OVCH2: variants seen among roughly 807,000 people sequenced by gnomAD.
The protein encoded by OVCH2 is ovochymase 2, also known as ovochymase-2.
OVCH2 carries 88 observed loss-of-function variants against 73.7 expected under a neutral mutation model. That is an observed-to-expected ratio of 1.19 (90% CI 1.01 to 1.43). The LOEUF is 1.43. Among genes scored for constraint, OVCH2 ranks in the 40% most tolerant of loss-of-function variants. The pLI is 0.00. For missense variants in OVCH2, 706 were observed against 674.5 expected, an observed-to-expected ratio of 1.05 and a Z score of -0.52; for synonymous variants, 265 against 234.5, an observed-to-expected ratio of 1.13 and a Z score of -1.19.
downstream of OVCH2, among the ~76,000 whole-genome samples, chr11:7,687,585 C>T (rs1312684085): frequency 6.6e-6 from 1 of 152,094 alleles, no homozygotes; most frequent in Non-Finnish European, 1.5e-5. Context: ...AGCAATCAGA[C>T]TGTGGAATTC....
chr11:7,696,965 CT>C, intron 8 of OVCH2, 166 bp from the exon 9 acceptor site: 2 of 620,914 alleles, frequency 3.2e-6, no homozygotes, highest in Non-Finnish European at 5.6e-6. Flanking sequence ...TTTTTGGTTC[CT>C]TTTAGATCCT....
Position 7,702,342 on chromosome 11 carries a change from A to G in OVCH2, c.291-13T>C, listed in dbSNP as rs2136162440. The G allele has an allele frequency of 6.4e-7, 1 of 1,569,124 alleles. No individual in the cohort carries two copies. The highest frequency in any genetic ancestry group is 8.6e-7 in the Non-Finnish European group (1 of 1,161,246). On this transcript the variant is annotated splice_polypyrimidine_tract_variant and intron_variant, in intron 3 of 15. Transcript: ENST00000533663. Reference sequence around the variant, plus strand: ...AGACACAATGTTTCTATGGAAAGCAAAGAGTAAAATGAATGAATTTCATTG... The same window carrying G: ...AGACACAATGTTTCTATGGAAAGCAGAGAGTAAAATGAATGAATTTCATTG...
chr11:7,704,386 A>G (rs1233568463), intron 2 of OVCH2, among the ~76,000 whole-genome samples, 179 bp downstream of exon 2: 1 of 152,074 alleles, frequency 6.6e-6, no homozygotes, highest in Non-Finnish European at 1.5e-5. Flanking sequence ...TTCTAAAATG[A>G]CTTACTATGT....
intron 15 of OVCH2, 101 bp downstream of exon 15, chr11:7,689,823 A>G (rs1018944731): frequency 3.8e-5 from 29 of 754,694 alleles, no homozygotes; most frequent in Non-Finnish European, 6.0e-5. Context: ...GGACTCTAGT[A>G]TATTTTGGAG....
intron 4 of OVCH2, 32 bp downstream of exon 4, chr11:7,702,125 T>A: frequency 6.5e-7 from 1 of 1,548,604 alleles, no homozygotes; most frequent in Non-Finnish European, 8.9e-7. Flanking sequence ...GAACATGGGG[T>A]AGACAATTCA....
intron 10 of OVCH2, among the ~76,000 whole-genome samples, chr11:7,695,928 G>C (rs1177950909): frequency 8.5e-5 from 13 of 152,174 alleles, no homozygotes; most frequent in African/African-American, 2.9e-4. Context: ...GCCTCTACCA[G>C]TGACAATTCC....
At chr11:7,702,474 C>T (rs12283887) in intron 3 of OVCH2, 145 bp from the exon 4 acceptor site, 173,531 of 668,318 alleles carry the variant, frequency 0.26, 25,984 homozygotes, top group Non-Finnish European at 0.32. Context: ...AGAATAATTC[C>T]AACACTGTTA....
chr11:7,681,614 A>G, the OVCH2 span, among the ~76,000 whole-genome samples: 3 of 150,826 alleles, frequency 2.0e-5, no homozygotes, highest in Non-Finnish European at 2.9e-5. Context: ...TACTTCACCA[A>G]TATTTACAGC....
At chr11:7,704,475 G>A (rs145505445) in intron 2 of OVCH2, 90 bp downstream of exon 2, 3 of 842,676 alleles carry the variant, frequency 3.6e-6, no homozygotes, top group African/African-American at 1.7e-5. Context: ...TAGGCTGTAG[G>A]CTCCTCAAAG....
intron 5 of OVCH2, 75 bp from the exon 6 acceptor site, chr11:7,701,550 T>G: frequency 6.5e-7 from 1 of 1,540,190 alleles, no homozygotes; most frequent in Non-Finnish European, 8.8e-7. Context: ...TCATTTGTGT[T>G]TGTGTCGCTT....
the OVCH2 span, among the ~76,000 whole-genome samples, chr11:7,680,628 G>A: frequency 2.0e-5 from 3 of 152,162 alleles, no homozygotes; most frequent in Non-Finnish European, 2.9e-5. Flanking sequence ...AACCACTAGA[G>A]GCTAAAAGGC....
the OVCH2 span, among the ~76,000 whole-genome samples, chr11:7,684,008 T>C: frequency 0.16 from 24,030 of 148,944 alleles, 2,041 homozygotes; most frequent in Middle Eastern, 0.19. Context: ...TTTATATATA[T>C]ATATGTATAT....
chr11:7,689,983 T>C lies in OVCH2; in HGVS notation c.1670A>G (p.Glu557Gly). The change falls in exon 15 of 16, where the codon GAG becomes GGG. Residue 557 changes from glutamate to glycine, a missense_variant. Transcript: ENST00000533663. ...TGTCTCCAGAAACATTGATTCATCC[T>C]CTGATATGGAGATGTTTAAATCTGG... is the stretch of plus-strand genomic sequence containing the variant. Reference protein sequence around the residue: ...VYPDLNISISEDESMFLET With the variant: ...VYPDLNISISGDESMFLET 6.5e-7 allele frequency: 1 copy of C among 1,527,054 alleles called. No individual in the cohort carries two copies. The highest frequency in any genetic ancestry group is 8.8e-7 in the Non-Finnish European group (1 of 1,138,774). 94.6% of individuals were successfully genotyped at this position (1,527,054 alleles called of 1,614,324 possible).
intron 7 of OVCH2, chr11:7,699,351 T>C (rs1856392838): frequency 6.6e-6 from 1 of 152,416 alleles, no homozygotes; most frequent in Non-Finnish European, 1.5e-5. Context: ...TGTGGGGGAT[T>C]GGTTTCAGAA....
At chr11:7,690,142 A>G in intron 14 of OVCH2, 129 bp from the exon 15 acceptor site, 1 of 631,076 alleles carries the variant, frequency 1.6e-6, no homozygotes, top group Non-Finnish European at 2.7e-6. Flanking sequence ...CTCTATAGGT[A>G]TTTCAAATGA....
chr11:7,704,518 A>G lies in OVCH2; in HGVS notation c.198+47T>C, dbSNP rs80197938. On this transcript the variant is annotated intron_variant, in intron 2 of 15. Coordinates refer to ENST00000533663, the MANE Select transcript of OVCH2 (RefSeq NM_198185.7). ...CTTAACCTTAAAAATATCTATATCC[A>G]TAATATCTAGCACAGTTCTTGATGC... The G allele has an allele frequency of 1.4e-3, 1,862 of 1,314,490 alleles. 22 individuals are homozygous for G. The African/African-American group carries it at 0.024, about 17-fold the overall frequency. 81.4% of individuals were successfully genotyped at this position (1,314,490 alleles called of 1,614,324 possible).
At position 7,701,310 on chromosome 11, in the gene OVCH2, C is replaced by T; in HGVS notation, c.711+14G>A. On this transcript the variant is annotated intron_variant, in intron 6 of 15. Transcript: ENST00000533663. ...CCTTGCCTGGGGCCTGACAGCCCCGCAGCTCCCACCCACCTGACATGCGTC... is the reference window on the plus strand; with the variant it reads ...CCTTGCCTGGGGCCTGACAGCCCCGTAGCTCCCACCCACCTGACATGCGTC... The T allele has an allele frequency of 6.2e-7, 1 of 1,603,104 alleles. No individual in the cohort carries two copies. Among genetic ancestry groups the T allele is most frequent in the Non-Finnish European group, 8.5e-7 (1 of 1,176,630 alleles).
chr11:7,703,580 CT>C, intron 3 of OVCH2, 117 bp downstream of exon 3: 1 of 752,916 alleles, frequency 1.3e-6, no homozygotes, highest in Non-Finnish European at 2.1e-6. Context: ...GGATATTCAT[CT>C]GTTAAACCAA....
the OVCH2 span, among the ~76,000 whole-genome samples, chr11:7,680,591 A>G: frequency 6.6e-6 from 1 of 152,102 alleles, no homozygotes. Context: ...AGATGGGGGG[A>G]GGGGCCACCT....
Sources: allele counts gnomAD v4.1 joint callset (sites outside exome capture counted in the v4.1 genomes callset), GRCh38; gene constraint gnomAD v4.1.1; transcripts MANE v1.5; gene names NCBI Gene and HGNC (gene_info 2026-07-23, HGNC 2026-07-21).